Variants in ARSB observed in about 807,000 individuals in gnomAD.
ARSB encodes arylsulfatase B, also known as N-acetylgalactosamine-4-sulfatase.
A neutral mutation model predicts 50.9 loss-of-function variants in ARSB; 41 were observed. The observed-to-expected ratio is 0.81, with a 90% CI of 0.63 to 1.04. The LOEUF (loss-of-function observed/expected upper bound fraction) is 1.04, where lower values mean the gene tolerates loss of function less well. ARSB is among the 50% of genes least tolerant of loss of function. The pLI is 0.00. For synonymous variants in ARSB, 269 were observed against 284.8 expected, an observed-to-expected ratio of 0.94 and a Z score of 0.56; for missense variants, 672 against 693.3, an observed-to-expected ratio of 0.97 and a Z score of 0.35.
chr5:78,819,905 A>AG (rs1744143128), intron 6 of ARSB, among the ~76,000 whole-genome samples: 2 of 152,274 alleles, frequency 1.3e-5, no homozygotes. Flanking sequence ...GGTCACCTGC[A>AG]GGGGGCTGCT....
chr5:78,859,118 G>A (rs1746300578), intron 5 of ARSB, among the ~76,000 whole-genome samples: 1 of 152,132 alleles, frequency 6.6e-6, no homozygotes, highest in East Asian at 1.9e-4. Flanking sequence ...ATGGGGGGCA[G>A]GTGATATTTG....
chr5:78,926,151 G>T (rs1750037243), intron 4 of ARSB, among the ~76,000 whole-genome samples: 1 of 152,184 alleles, frequency 6.6e-6, no homozygotes, highest in Admixed American at 6.5e-5. Flanking sequence ...CCTATTTGTT[G>T]TATGTTATAA....
At chr5:78,790,581 A>C (rs1387035272) in intron 6 of ARSB, among the ~76,000 whole-genome samples, 1 of 152,222 alleles carries the variant, frequency 6.6e-6, no homozygotes. Context: ...AATAATATCT[A>C]ATACTTAAAT....
At chr5:78,805,212 G>A (rs2112650951) in intron 6 of ARSB, among the ~76,000 whole-genome samples, 1 of 152,260 alleles carries the variant, frequency 6.6e-6, no homozygotes, top group African/African-American at 2.4e-5. Flanking sequence ...CAAGCAAAAG[G>A]CTTAATCCTA....
At chr5:78,866,823 G>T (rs191653496) in intron 5 of ARSB, among the ~76,000 whole-genome samples, 70 of 152,354 alleles carry the variant, frequency 4.6e-4, no homozygotes, top group African/African-American at 1.6e-3. Flanking sequence ...AGCCAAGATG[G>T]CCGAATAGGG....
At chr5:78,852,433 G>A (rs1267163747) in intron 5 of ARSB, among the ~76,000 whole-genome samples, 5 of 152,216 alleles carry the variant, frequency 3.3e-5, no homozygotes, top group Admixed American at 6.5e-5. Context: ...TCTGCTGTTA[G>A]TCTGATGGGC....
At chr5:78,899,318 G>A (rs550998652) in intron 4 of ARSB, among the ~76,000 whole-genome samples, 1 of 152,236 alleles carries the variant, frequency 6.6e-6, no homozygotes, top group South Asian at 2.1e-4. Context: ...TCTGTTTGGT[G>A]TTCTCTGACC....
At chr5:78,880,296 T>C (rs1380661300) in intron 5 of ARSB, among the ~76,000 whole-genome samples, 3 of 152,240 alleles carry the variant, frequency 2.0e-5, no homozygotes, top group Non-Finnish European at 4.4e-5. Flanking sequence ...TTTAGCTATA[T>C]GGACAAACAT....
At chr5:78,965,203 A>G (rs1374047313) in intron 2 of ARSB, among the ~76,000 whole-genome samples, 1 of 152,150 alleles carries the variant, frequency 6.6e-6, no homozygotes, top group Non-Finnish European at 1.5e-5. Flanking sequence ...TTCTACCTAA[A>G]ATGATCTCAA....
At chr5:78,816,572 T>A (rs1398264463) in intron 6 of ARSB, among the ~76,000 whole-genome samples, 5 of 152,198 alleles carry the variant, frequency 3.3e-5, no homozygotes, top group Non-Finnish European at 2.9e-5. Flanking sequence ...GCAGATGCCA[T>A]TAAGGTTACT....
chr5:78,948,120 T>C (rs946517269), intron 4 of ARSB, among the ~76,000 whole-genome samples: 4 of 152,114 alleles, frequency 2.6e-5, no homozygotes, highest in Non-Finnish European at 4.4e-5. Context: ...AGAAGGATGG[T>C]TACTAGAGGC....
intron 6 of ARSB, among the ~76,000 whole-genome samples, chr5:78,797,573 A>G (rs1376745105): frequency 6.6e-6 from 1 of 152,206 alleles, no homozygotes; most frequent in African/African-American, 2.4e-5. Flanking sequence ...AAACAGGTTC[A>G]ACCTCTTCAG....
intron 6 of ARSB, among the ~76,000 whole-genome samples, chr5:78,810,439 G>C (rs10474568): frequency 6.6e-6 from 1 of 152,218 alleles, no homozygotes; most frequent in African/African-American, 2.4e-5. Context: ...CTTTGCTTTG[G>C]AAAGAGATTG....
At chr5:78,911,572 T>TAAAAAAAAAAAAAA (rs71001137) in intron 4 of ARSB, among the ~76,000 whole-genome samples, 9 of 67,854 alleles carry the variant, frequency 1.3e-4, no homozygotes, top group African/African-American at 2.3e-4. Context: ...AGACTCCCTC[T>TAAAAAAAAAAAAAA]AAAAAAAAAA....
At chr5:78,970,884 C>T (rs1752425834) in intron 1 of ARSB, among the ~76,000 whole-genome samples, 2 of 152,158 alleles carry the variant, frequency 1.3e-5, no homozygotes, top group South Asian at 4.1e-4. Context: ...TCACTTGAGC[C>T]TGGGAGGTCG....
chr5:78,864,818 T>G (rs62377556), intron 5 of ARSB, among the ~76,000 whole-genome samples: 19,323 of 152,174 alleles, frequency 0.13, 1,419 homozygotes, highest in Middle Eastern at 0.21. Context: ...CAAAACAAAG[T>G]GGCTACAGGG....
Position 78,983,035 on chromosome 5 carries a change from T to G in ARSB, c.312+1902A>C, listed in dbSNP as rs188043874. On this transcript the variant is annotated intron_variant, in intron 1 of 7. Coordinates refer to ENST00000264914, the MANE Select transcript of ARSB (RefSeq NM_000046.5). ...GAGGATGTTAGGGGACAAAAGCAAC[T>G]GATTACGGGAATGGGTTTTTTATTT... is the stretch of plus-strand genomic sequence containing the variant. Among the ~76,000 whole-genome samples the G allele has an allele frequency of 1.0e-3, 157 of 152,252 alleles. 2 individuals carry two copies. The highest frequency in any genetic ancestry group is 3.6e-3 in the African/African-American group (150 of 41,552).
At chr5:78,855,068 G>C (rs10805922) in intron 5 of ARSB, among the ~76,000 whole-genome samples, 19,113 of 152,144 alleles carry the variant, frequency 0.13, 1,407 homozygotes, top group Middle Eastern at 0.21. Context: ...GGCTAGTACA[G>C]CCCCAGGAAG....
chr5:78,851,113 G>GTT (rs1016845218), intron 5 of ARSB, among the ~76,000 whole-genome samples: 5 of 152,128 alleles, frequency 3.3e-5, no homozygotes, highest in African/African-American at 1.2e-4. Context: ...TTTTGAATGT[G>GTT]TTTGCTCTTG....
Sources: gnomAD v4.1 joint callset for allele counts (sites outside exome capture counted in the v4.1 genomes callset) on GRCh38, gnomAD v4.1.1 for gene constraint, MANE v1.5 for transcripts, NCBI Gene and HGNC (gene_info 2026-07-23, HGNC 2026-07-21) for gene names.